Variants in TSBP1 observed in about 807,000 individuals in gnomAD.
TSBP1 encodes the protein testis-expressed basic protein 1.
Under a neutral mutation model 68.8 loss-of-function variants are expected in TSBP1, and 56 were observed. That is an observed-to-expected ratio of 0.81 (90% CI 0.66 to 1.02). The LOEUF (loss-of-function observed/expected upper bound fraction) is 1.02, where lower values mean the gene tolerates loss of function less well. Ranked by LOEUF, TSBP1 falls within the 50% of genes least tolerant of loss-of-function variation. The pLI is 0.00. For missense variants in TSBP1, 502 were observed against 641.2 expected (o/e 0.78, Z 2.34); for synonymous variants, 171 against 208.7 (o/e 0.82, Z 1.56).
At chr6:32,344,305 A>G (rs6904320) in intron 9 of TSBP1, among the ~76,000 whole-genome samples, 102,980 of 136,276 alleles carry the variant, frequency 0.76, 39,227 homozygotes, top group South Asian at 0.86. Context: ...CAATGACAGG[A>G]TTTAATAATT....
Position 32,335,900 on chromosome 6 carries a change from G to C in TSBP1, c.451+12C>G. 6.2e-7 allele frequency: 1 copy of C among 1,604,544 alleles called. No individual in the cohort carries two copies. The highest frequency in any genetic ancestry group is 8.5e-7 in the Non-Finnish European group (1 of 1,172,948). On this transcript the variant is annotated intron_variant, in intron 13 of 22. Transcript: ENST00000612031. The surrounding 1 kb of genome is among the most constrained non-coding windows in gnomAD (Gnocchi z 5.5). ...AAAATGCTCACTGTGGAGAATCAGAGAGCAAACTTACTGATAGGTCCTGTA... is the reference window on the plus strand; with the variant it reads ...AAAATGCTCACTGTGGAGAATCAGACAGCAAACTTACTGATAGGTCCTGTA...
At chr6:32,358,564 C>T (rs999426719) in intron 6 of TSBP1, among the ~76,000 whole-genome samples, 1 of 151,918 alleles carries the variant, frequency 6.6e-6, no homozygotes, top group African/African-American at 2.4e-5. Context: ...TCCCTCCCCG[C>T]TCCCCTCACC....
intron 3 of TSBP1, 21 bp downstream of exon 3, chr6:32,368,761 C>G: frequency 6.4e-7 from 1 of 1,560,872 alleles, no homozygotes; most frequent in Non-Finnish European, 8.8e-7. Flanking sequence ...ATTTATTTTT[C>G]TCATGAGTAT....
chr6:32,368,031 T>A, intron 3 of TSBP1, 74 bp from the exon 4 acceptor site: 1 of 1,208,376 alleles, frequency 8.3e-7, no homozygotes, highest in Non-Finnish European at 1.2e-6. Flanking sequence ...CTCTGAGAAC[T>A]AATGTAAACA....
At chr6:32,347,677 G>T (rs1014642589) in intron 9 of TSBP1, among the ~76,000 whole-genome samples, 1 of 128,312 alleles carries the variant, frequency 7.8e-6, no homozygotes, top group African/African-American at 2.6e-5. Flanking sequence ...GGCTTATTGT[G>T]GTGCTCAGAA....
intron 6 of TSBP1, among the ~76,000 whole-genome samples, chr6:32,356,189 GTAAA>G (rs1772306280): frequency 6.6e-6 from 1 of 152,140 alleles, no homozygotes; most frequent in Non-Finnish European, 1.5e-5. Flanking sequence ...AAGTGTAAAA[GTAAA>G]TAGTAATATT....
At position 32,366,004 on chromosome 6, in the gene TSBP1, T is replaced by G. The variant is rs556059014; in HGVS notation, c.217+163A>C. The stretch of plus-strand genomic sequence containing the variant: ...TAGCTTTGGGGAAAATGGTGCCTCA[T>G]AGCGTGATGGTGAACATTTGTGAAC... On this transcript the variant is annotated intron_variant, in intron 6 of 22. Coordinates refer to ENST00000612031, the Ensembl canonical transcript of TSBP1. The G allele has an allele frequency of 5.5e-4, 602 of 1,095,610 alleles. 11 individuals are homozygous for G. The South Asian group carries it at 7.7e-3, about 14-fold the overall frequency. 67.9% of individuals were successfully genotyped at this position (1,095,610 alleles called of 1,614,324 possible).
chr6:32,300,552 AATCACTT>A, intron 21 of TSBP1, 121 bp downstream of exon 24: 1 of 776,136 alleles, frequency 1.3e-6, no homozygotes. Context: ...AATATGAGGA[AATCACTT>A]ATTGAAGAAA....
At chr6:32,318,763 G>A (rs1368289072) in intron 18 of TSBP1, among the ~76,000 whole-genome samples, 1 of 152,086 alleles carries the variant, frequency 6.6e-6, no homozygotes, top group Non-Finnish European at 1.5e-5. Context: ...GTTTTGGGTT[G>A]GGGGATAGTG....
rs1235490050 is a variant in TSBP1, at chr6:32,337,411, C to T, written c.410-776G>A. 6.6e-5 allele frequency among the ~76,000 whole-genome samples: 10 copies of T among 152,176 alleles called. No individual in the cohort carries two copies. The highest frequency in any genetic ancestry group is 6.5e-4 in the Admixed American group (10 of 15,280). ...CTCAGGAGATTACACAGGCCATTGC[C>T]TGTCTTCCAGCTGGCTAATTTGAAC... On this transcript the variant is annotated intron_variant, in intron 11 of 22. Transcript: ENST00000612031. This position sits in a 1 kb window ranked among gnomAD's most constrained non-coding sequence, Gnocchi z 5.5.
rs1484262476 is a variant in TSBP1, at chr6:32,325,592, G to T, written c.515-1978C>A. On this transcript the variant is annotated intron_variant, in intron 16 of 22. Coordinates refer to ENST00000612031, the Ensembl canonical transcript of TSBP1. This position sits in a 1 kb window ranked among gnomAD's most constrained non-coding sequence, Gnocchi z 4.4. ...AAGAAATCACCTAAGAAATTATTTTGAGTAGTATGGAAAAATTGAAGTGAT... is the reference window on the plus strand; with the variant it reads ...AAGAAATCACCTAAGAAATTATTTTTAGTAGTATGGAAAAATTGAAGTGAT... 3 of 909,704 alleles carry T rather than the reference G, an allele frequency of 3.3e-6. No individual in the cohort carries two copies. The highest frequency in any genetic ancestry group is 1.3e-5 in the South Asian group (1 of 77,676). 56.4% of individuals were successfully genotyped at this position (909,704 alleles called of 1,614,324 possible).
chr6:32,325,635 G>A lies in TSBP1; in HGVS notation c.515-2021C>T, dbSNP rs145781227. 6.9e-3 allele frequency: 7,053 copies of A among 1,025,732 alleles called. 134 individuals carry two copies. Among genetic ancestry groups the A allele is most frequent in the Admixed American group, 0.017 (1,029 of 59,196 alleles). 63.5% of individuals were successfully genotyped at this position (1,025,732 alleles called of 1,614,324 possible). A position where few individuals can be genotyped will look rare whatever the true frequency, so the allele number is the denominator to read the frequency against. On this transcript the variant is annotated intron_variant, in intron 16 of 22. Transcript: ENST00000612031. This position sits in a 1 kb window ranked among gnomAD's most constrained non-coding sequence, Gnocchi z 4.4. ...GAAGTGATTGAAAACATGACTGACCGAGGCAGTTGCAAGAAAAGGGGATTT... is the reference window on the plus strand; with the variant it reads ...GAAGTGATTGAAAACATGACTGACCAAGGCAGTTGCAAGAAAAGGGGATTT...
chr6:32,301,121 G>A (rs1487236027), intron 20 of TSBP1, among the ~76,000 whole-genome samples: 1 of 151,918 alleles, frequency 6.6e-6, no homozygotes, highest in Non-Finnish European at 1.5e-5. Context: ...TTCCACTTCC[G>A]GGGTTCAAGC....
intron 6 of TSBP1, among the ~76,000 whole-genome samples, chr6:32,356,278 A>C (rs3117115): frequency 0.89 from 136,042 of 152,216 alleles, 60,906 homozygotes; most frequent in East Asian, 1. Context: ...AGTTAAAGAT[A>C]TACTCAGAAA....
chr6:32,371,841 C>T (rs1583206369), exon 1 of TSBP1: 2 of 877,910 alleles, frequency 2.3e-6, no homozygotes, highest in East Asian at 4.9e-5. Flanking sequence ...CCCTTGTAGG[C>T]AGAGATGCAG....
At chr6:32,363,733 TTG>T (rs1182145688) in intron 6 of TSBP1, among the ~76,000 whole-genome samples, 4 of 152,092 alleles carry the variant, frequency 2.6e-5, no homozygotes, top group South Asian at 4.1e-4. Flanking sequence ...TTTTAATATT[TTG>T]TCTTTTAACT....
rs1029720549 is a variant in TSBP1 at position 32,335,296 on chromosome 6, A to G, written c.472+141T>C. 3.1e-6 allele frequency: 2 copies of G among 645,500 alleles called. No homozygotes were observed. The highest frequency in any genetic ancestry group is 3.8e-5 in the Admixed American group (1 of 26,448). The allele number at this position is 645,500 out of a possible 1,614,324, so 40.0% of individuals were successfully genotyped here. A position where few individuals can be genotyped will look rare whatever the true frequency, so the allele number is the denominator to read the frequency against. The stretch of plus-strand genomic sequence containing the variant: ...TTATTGCAGAACCTGGATGAGTCCA[A>G]TCTGGAGTACTGGGTGAGATTATGA... On this transcript the variant is annotated intron_variant, in intron 14 of 22. Transcript: ENST00000612031. The surrounding 1 kb of genome is among the most constrained non-coding windows in gnomAD (Gnocchi z 5.5).
chr6:32,313,844 A>G (rs3864303), intron 19 of TSBP1, among the ~76,000 whole-genome samples: 32,025 of 151,990 alleles, frequency 0.21, 3,561 homozygotes, highest in East Asian at 0.22. Context: ...ACCTGTGTGG[A>G]TGGCTTTGTT....
Position 32,292,830 on chromosome 6 carries a change from G to T in TSBP1, c.*151C>A. On this transcript the variant is annotated 3_prime_UTR_variant, in exon 23 of 23. Coordinates refer to ENST00000612031, the Ensembl canonical transcript of TSBP1. The surrounding 1 kb of genome is among the most constrained non-coding windows in gnomAD (Gnocchi z 4.1). ...GTTTGTGGCTGAGAGATTAAAAAGG[G>T]TGAAACTTCTGAAGAGCAGAAACTG... 1.7e-6 allele frequency: 1 copy of T among 582,302 alleles called. No homozygotes were observed. Among genetic ancestry groups the T allele is most frequent in the Non-Finnish European group, 3.0e-6 (1 of 335,894 alleles). 36.1% of individuals were successfully genotyped at this position (582,302 alleles called of 1,614,324 possible).
Sources: gnomAD v4.1 joint callset for allele counts (sites outside exome capture counted in the v4.1 genomes callset) on GRCh38, gnomAD v4.1.1 for gene constraint, Gnocchi (gnomAD v3.1) non-coding constraint, MANE v1.5 for transcripts, NCBI Gene and HGNC (gene_info 2026-07-23, HGNC 2026-07-21) for gene names.